The following MLPH variants were observed in gnomAD, a reference collection of about 807,000 sequenced individuals.
MLPH encodes the protein exophilin-3.
Under a neutral mutation model 72.1 loss-of-function variants are expected in MLPH, and 51 were observed. The ratio of observed to expected loss-of-function variants is 0.71; its 90% CI spans 0.56 to 0.89. The LOEUF (loss-of-function observed/expected upper bound fraction) is 0.89. MLPH is among the 40% of genes least tolerant of loss of function. The pLI, the probability that MLPH is intolerant of heterozygous loss-of-function variation, is 0.00. For synonymous variants in MLPH, 301 were observed against 310.1 expected, an observed-to-expected ratio of 0.97 and a Z score of 0.31; for missense variants, 743 against 759.9, an observed-to-expected ratio of 0.98 and a Z score of 0.26.
Position 237,518,613 on chromosome 2 carries a change from GAGGCCC to G in MLPH, c.535_540del (p.Ala179_Gln180del), listed in dbSNP as rs767248757. The stretch of plus-strand genomic sequence containing the variant: ...AGATGAGGATGGAGAACCTGGCTCA[GAGGCCC>G]AGGCCCAGGCCCAGCCCTTTGGCAG... On this transcript the variant is annotated inframe_deletion, in exon 5 of 16. Transcript: ENST00000264605. The G allele has an allele frequency of 3.1e-6, 5 of 1,613,378 alleles. No individual in the cohort carries two copies. Among genetic ancestry groups the G allele is most frequent in the Non-Finnish European group, 4.2e-6 (5 of 1,179,720 alleles).
intron 7 of MLPH, 43 bp from the exon 8 acceptor site, chr2:237,527,334 A>G (rs1355467577): frequency 1.2e-6 from 2 of 1,613,588 alleles, no homozygotes; most frequent in African/African-American, 2.7e-5. Flanking sequence ...ATCAGCTTTC[A>G]GGTTTTCACT....
At chr2:237,532,796 A>G (rs1048839588) in intron 8 of MLPH, among the ~76,000 whole-genome samples, 3 of 152,264 alleles carry the variant, frequency 2.0e-5, no homozygotes, top group African/African-American at 7.2e-5. Context: ...TAATTTTTAG[A>G]AAAACCCGAA....
At chr2:237,529,557 A>G (rs57586287) in intron 8 of MLPH, among the ~76,000 whole-genome samples, 19,126 of 152,184 alleles carry the variant, frequency 0.13, 1,474 homozygotes, top group South Asian at 0.29. Flanking sequence ...GGGAAAGGCA[A>G]TATTGTTTCT....
chr2:237,497,467 G>C (rs1031415702), intron 2 of MLPH, among the ~76,000 whole-genome samples: 2 of 152,212 alleles, frequency 1.3e-5, no homozygotes, highest in Admixed American at 1.3e-4. Context: ...GTGAGCCCCG[G>C]GGAGTGGCAG....
intron 1 of MLPH, among the ~76,000 whole-genome samples, chr2:237,490,596 G>A (rs2079410185): frequency 6.6e-6 from 1 of 152,164 alleles, no homozygotes; most frequent in Non-Finnish European, 1.5e-5. Flanking sequence ...GAGAAGAGAG[G>A]GAATGATAAT....
intron 2 of MLPH, among the ~76,000 whole-genome samples, chr2:237,502,990 G>A (rs2079683276): frequency 6.6e-6 from 1 of 152,072 alleles, no homozygotes; most frequent in Non-Finnish European, 1.5e-5. Context: ...ATGATGGCAG[G>A]CGCCTGTTGT....
In MLPH at chr2:237,505,998, C is replaced by T. The variant is rs1300323717; in HGVS notation, c.111-4576C>T. Among the ~76,000 whole-genome samples, 1 of 152,134 alleles carries T rather than the reference C, an allele frequency of 6.6e-6. No homozygotes were observed. The highest frequency in any genetic ancestry group is 1.5e-5 in the Non-Finnish European group (1 of 68,044). On this transcript the variant is annotated intron_variant, in intron 2 of 15. Coordinates refer to ENST00000264605, the MANE Select transcript of MLPH (RefSeq NM_024101.7). The surrounding 1 kb of genome is among the most constrained non-coding windows in gnomAD (Gnocchi z 4.5). ...GGGAGCTCACTTTCTCGGCCTTTGC[C>T]ATCATCTCCCCACTGTCTCCCATCG...
At chr2:237,534,527 G>A (rs1229696800) in intron 8 of MLPH, 37 bp from the exon 9 acceptor site, 16 of 1,563,868 alleles carry the variant, frequency 1.0e-5, no homozygotes, top group Non-Finnish European at 1.3e-5. Flanking sequence ...GGAGTGCACT[G>A]GGTCCTCTGC....
rs2079878423 is a variant in MLPH at position 237,510,875 on chromosome 2, G to C, written c.332+80G>C. On this transcript the variant is annotated intron_variant, in intron 3 of 15. Coordinates refer to ENST00000264605, the MANE Select transcript of MLPH (RefSeq NM_024101.7). The surrounding 1 kb of genome is among the most constrained non-coding windows in gnomAD (Gnocchi z 4.4). Reference sequence around the variant, plus strand: ...CCCTTCCATGGGGCTAGCTGAAGAAGGGTGGACGCACACATGCACACACTC... The same window carrying C: ...CCCTTCCATGGGGCTAGCTGAAGAACGGTGGACGCACACATGCACACACTC... The C allele has an allele frequency of 6.4e-7, 1 of 1,571,288 alleles. No individual in the cohort carries two copies. Among genetic ancestry groups the C allele is most frequent in the African/African-American group, 1.4e-5 (1 of 73,354 alleles).
chr2:237,536,472 C>T (rs2080533183), intron 9 of MLPH, among the ~76,000 whole-genome samples: 1 of 152,206 alleles, frequency 6.6e-6, no homozygotes, highest in South Asian at 2.1e-4. Context: ...ATGAGTGAGA[C>T]TCGGCCCATC....
chr2:237,504,850 C>T (rs2079730756), intron 2 of MLPH, among the ~76,000 whole-genome samples: 1 of 152,216 alleles, frequency 6.6e-6, no homozygotes, highest in East Asian at 1.9e-4. Flanking sequence ...ATGGCAAAAA[C>T]TCATGGTCGA....
intron 4 of MLPH, among the ~76,000 whole-genome samples, chr2:237,514,799 T>G (rs6740834): frequency 0.028 from 4,243 of 152,170 alleles, 93 homozygotes; most frequent in South Asian, 0.08. Context: ...AAATGTACCA[T>G]GCTGCCTCCC....
intron 15 of MLPH, 151 bp from the exon 16 acceptor site, chr2:237,553,415 G>A: frequency 1.3e-6 from 1 of 785,882 alleles, no homozygotes; most frequent in South Asian, 1.5e-5. Context: ...TCACATGCAT[G>A]TGTGCACAAA....
intron 2 of MLPH, among the ~76,000 whole-genome samples, chr2:237,498,066 CA>C (rs2079572481): frequency 1.3e-5 from 2 of 152,258 alleles, no homozygotes; most frequent in Admixed American, 1.3e-4. Context: ...GAGGAGAGAA[CA>C]GGGGTGGGGG....
intron 14 of MLPH, among the ~76,000 whole-genome samples, chr2:237,551,505 GC>G (rs1269051981): frequency 6.6e-6 from 1 of 152,228 alleles, no homozygotes; most frequent in Non-Finnish European, 1.5e-5. Context: ...AGTCAGGCAG[GC>G]CACAGAAGAC....
rs1294884649 is a variant in MLPH, at chr2:237,517,724, A to AGTGG, written c.446-810_446-807dup. 1.2e-4 allele frequency among the ~76,000 whole-genome samples: 12 copies of AGTGG among 98,542 alleles called. No homozygotes were observed. In the East Asian group the frequency reaches 3.6e-3, roughly 29 times the overall value. 64.6% of individuals were successfully genotyped at this position (98,542 alleles called of 152,430 possible). ...GGATGGATGGATGGATGGATAAGTAAGTGGGTGGATGGATGGATGGATGGA... is the reference window on the plus strand; with the variant it reads ...GGATGGATGGATGGATGGATAAGTAAGTGGGTGGGTGGATGGATGGATGGATGGA... On this transcript the variant is annotated intron_variant, in intron 4 of 15. Transcript: ENST00000264605.
intron 6 of MLPH, among the ~76,000 whole-genome samples, chr2:237,520,363 G>A (rs913254563): frequency 1.3e-5 from 2 of 152,022 alleles, no homozygotes; most frequent in African/African-American, 2.4e-5. Context: ...CAGGAGGGCG[G>A]GACAGAGAAG....
chr2:237,552,237 AT>A (rs1205694719), intron 14 of MLPH, 99 bp from the exon 15 acceptor site: 3 of 932,124 alleles, frequency 3.2e-6, no homozygotes, highest in Non-Finnish European at 5.2e-6. Flanking sequence ...GGATATGTCC[AT>A]TTTTTTCTAC....
rs1478185406 is a variant in MLPH at position 237,524,018 on chromosome 2, AG to A, written c.676-1582del. Among the ~76,000 whole-genome samples, 23 of 152,260 alleles carry A rather than the reference AG, an allele frequency of 1.5e-4. No homozygotes were observed. In the South Asian group the frequency reaches 4.4e-3, roughly 29 times the overall value. ...TTGAAGGGCTCATGGCAGGAGTAGT[AG>A]TAGAGTGATCTCTAAGTCGAACAGG... is the stretch of plus-strand genomic sequence containing the variant. On this transcript the variant is annotated intron_variant, in intron 6 of 15. Coordinates refer to ENST00000264605, the MANE Select transcript of MLPH (RefSeq NM_024101.7).
Sources: gnomAD v4.1 joint callset for allele counts (sites outside exome capture counted in the v4.1 genomes callset) on GRCh38, gnomAD v4.1.1 for gene constraint, Gnocchi (gnomAD v3.1) non-coding constraint, MANE v1.5 for transcripts, NCBI Gene and HGNC (gene_info 2026-07-23, HGNC 2026-07-21) for gene names.